Variants in PTPRD observed in about 807,000 individuals in gnomAD.
The protein encoded by PTPRD is protein tyrosine phosphatase receptor type D.
A neutral mutation model predicts 214.5 loss-of-function variants in PTPRD; 34 were observed. That is an observed-to-expected ratio of 0.16 (90% CI 0.12 to 0.21). The LOEUF (loss-of-function observed/expected upper bound fraction) is 0.21, where lower values mean the gene tolerates loss of function less well. PTPRD is among the 10% of genes least tolerant of loss of function. PTPRD has a pLI of 1.00. For synonymous variants in PTPRD, 1,128 were observed against 845.7 expected (o/e 1.33, Z -5.79); for missense variants, 2,545 against 2,398.7 (o/e 1.06, Z -1.27).
chr9:9,629,977 TC>T (rs1297163744), intron 7 of PTPRD, among the ~76,000 whole-genome samples: 2 of 145,692 alleles, frequency 1.4e-5, no homozygotes, highest in South Asian at 4.2e-4. Flanking sequence ...GACAGCAGCC[TC>T]CCTTTTTTTT....
At chr9:9,234,667 A>G (rs2099965409) in intron 9 of PTPRD, among the ~76,000 whole-genome samples, 1 of 152,160 alleles carries the variant, frequency 6.6e-6, no homozygotes, top group South Asian at 2.1e-4. Context: ...TCAAAGTTCC[A>G]CAGATGTAAA....
rs1301836575 is a variant in PTPRD at position 10,042,455 on chromosome 9, C to G, written c.-544-8665G>C. Among the ~76,000 whole-genome samples the G allele has an allele frequency of 2.0e-5, 3 of 151,894 alleles. 1 individual carries two copies. The highest frequency in any genetic ancestry group is 7.2e-5 in the African/African-American group (3 of 41,418). On this transcript the variant is annotated intron_variant, in intron 3 of 45. Transcript: ENST00000381196. ...ACCTGTCCAGACCATTTCCTGAGAA[C>G]CCAGAATTCTGCTAGCCCTGCTCTA...
intron 11 of PTPRD, among the ~76,000 whole-genome samples, chr9:8,864,502 C>T (rs182362373): frequency 3.2e-4 from 48 of 152,300 alleles, no homozygotes; most frequent in African/African-American, 1.1e-3. Context: ...CTGCGTCCAC[C>T]AACCAACTTT....
At chr9:10,311,239 T>C (rs749539124) in intron 3 of PTPRD, among the ~76,000 whole-genome samples, 22 of 151,952 alleles carry the variant, frequency 1.4e-4, no homozygotes, top group Non-Finnish European at 2.8e-4. Flanking sequence ...TGCTAACCCA[T>C]AGGAGAAAAA....
chr9:10,354,439 T>A (rs2097236749), intron 2 of PTPRD, among the ~76,000 whole-genome samples: 1 of 152,314 alleles, frequency 6.6e-6, no homozygotes, highest in Admixed American at 6.5e-5. Flanking sequence ...AATCTTGTCC[T>A]CTTCATCACT....
At chr9:9,437,917 T>C (rs548316429) in intron 8 of PTPRD, among the ~76,000 whole-genome samples, 60 of 152,306 alleles carry the variant, frequency 3.9e-4, no homozygotes, top group African/African-American at 1.4e-3. Context: ...TCAACAAAAA[T>C]TCATTGTCTC....
chr9:8,614,918 G>A (rs2095561354), intron 14 of PTPRD, among the ~76,000 whole-genome samples: 1 of 152,066 alleles, frequency 6.6e-6, no homozygotes, highest in South Asian at 2.1e-4. Flanking sequence ...CCCACTTTCT[G>A]AACTAAATCA....
intron 11 of PTPRD, among the ~76,000 whole-genome samples, chr9:8,785,637 G>A (rs763464586): frequency 2.4e-4 from 36 of 152,200 alleles, no homozygotes; most frequent in Non-Finnish European, 4.1e-4. Flanking sequence ...ACTGCCAGTC[G>A]GCTTAACAAA....
At chr9:9,885,459 G>A (rs530164164) in intron 5 of PTPRD, among the ~76,000 whole-genome samples, 2 of 152,078 alleles carry the variant, frequency 1.3e-5, no homozygotes, top group Non-Finnish European at 2.9e-5. Context: ...AAGGATCTGA[G>A]GAGTTTCCCT....
chr9:9,533,941 A>G (rs1253699980), intron 8 of PTPRD, among the ~76,000 whole-genome samples: 1 of 152,070 alleles, frequency 6.6e-6, no homozygotes, highest in Non-Finnish European at 1.5e-5. Flanking sequence ...ATGTAATTCA[A>G]TTCATAATAA....
chr9:8,464,058 C>T (rs1002125001), intron 32 of PTPRD, among the ~76,000 whole-genome samples: 1 of 151,822 alleles, frequency 6.6e-6, no homozygotes, highest in African/African-American at 2.4e-5. Flanking sequence ...AAACAGATGA[C>T]ATACTAAAGA....
chr9:8,523,724 T>C (rs1379148186), intron 18 of PTPRD, among the ~76,000 whole-genome samples, 200 bp from the exon 19 acceptor site: 2 of 152,074 alleles, frequency 1.3e-5, no homozygotes, highest in Non-Finnish European at 2.9e-5. Flanking sequence ...TTAGAAACAA[T>C]AGCTAGCATC....
chr9:9,486,126 G>A (rs1306110622), intron 8 of PTPRD, among the ~76,000 whole-genome samples: 1 of 109,976 alleles, frequency 9.1e-6, no homozygotes, highest in Admixed American at 1.4e-4. Flanking sequence ...ACTCCAGTCT[G>A]GGCAACAGAG....
chr9:10,439,466 T>C (rs934277146), intron 2 of PTPRD, among the ~76,000 whole-genome samples: 2 of 151,790 alleles, frequency 1.3e-5, no homozygotes, highest in African/African-American at 2.4e-5. Flanking sequence ...ATTGTTAAGC[T>C]TGAAGTTACA....
intron 11 of PTPRD, among the ~76,000 whole-genome samples, chr9:8,984,575 G>A (rs2099329730): frequency 6.6e-6 from 1 of 152,220 alleles, no homozygotes; most frequent in Admixed American, 6.5e-5. Context: ...AAGCAAGGAA[G>A]CAGTGGTAAA....
At chr9:10,475,692 G>T (rs1195338221) in intron 2 of PTPRD, among the ~76,000 whole-genome samples, 1 of 151,914 alleles carries the variant, frequency 6.6e-6, no homozygotes, top group African/African-American at 2.4e-5. Context: ...AAAATTTCAG[G>T]CCAATATCCC....
chr9:10,380,701 C>G (rs1039528317), intron 2 of PTPRD, among the ~76,000 whole-genome samples: 1 of 151,938 alleles, frequency 6.6e-6, no homozygotes, highest in Non-Finnish European at 1.5e-5. Context: ...TTGTGAAAAA[C>G]GTTTGTAAAT....
In PTPRD at chr9:10,506,954, T is replaced by A. The variant is rs113482150; in HGVS notation, c.-600+105444A>T. 3.3e-3 allele frequency among the ~76,000 whole-genome samples: 506 copies of A among 152,244 alleles called. 2 individuals are homozygous for A. The highest frequency in any genetic ancestry group is 0.012 in the African/African-American group (493 of 41,566). ...ATTTCTTTCTCCTGCCTGATTGCCC[T>A]GGCCAGAACTTCCAACACTATGTTG... On this transcript the variant is annotated intron_variant, in intron 2 of 45. Coordinates refer to ENST00000381196, the MANE Select transcript of PTPRD (RefSeq NM_002839.4).
rs71485324 is a variant in PTPRD, at chr9:10,158,003, TTTTGTTTG to T, written c.-544-124221_-544-124214del. Among the ~76,000 whole-genome samples, 14 of 151,072 alleles carry T rather than the reference TTTTGTTTG, an allele frequency of 9.3e-5. No homozygotes were observed. The East Asian group carries it at 2.8e-3, about 30-fold the overall frequency. ...CAACCCTATCAAGTTGTTTATGGTT[TTTTGTTTG>T]TTTGTTTGTTTGTTTTTGACAGAGT... is the stretch of plus-strand genomic sequence containing the variant. On this transcript the variant is annotated intron_variant, in intron 3 of 45. Transcript: ENST00000381196.
Sources: gnomAD v4.1 joint callset for allele counts (sites outside exome capture counted in the v4.1 genomes callset) on GRCh38, gnomAD v4.1.1 for gene constraint, MANE v1.5 for transcripts, NCBI Gene and HGNC (gene_info 2026-07-23, HGNC 2026-07-21) for gene names.